FBXW11: variants seen among roughly 807,000 people sequenced by gnomAD.
FBXW11 encodes the protein F-box/WD repeat-containing protein 11.
A neutral mutation model predicts 77.6 loss-of-function variants in FBXW11; 19 were observed. The observed-to-expected ratio is 0.24, with a 90% confidence interval of 0.17 to 0.36. The LOEUF (loss-of-function observed/expected upper bound fraction) is 0.36, where lower values mean the gene tolerates loss of function less well. Ranked by LOEUF, FBXW11 falls within the 10% of genes least tolerant of loss-of-function variation. FBXW11 has a pLI of 1.00. For synonymous variants in FBXW11, 235 were observed against 249.4 expected, an observed-to-expected ratio of 0.94 and a Z score of 0.54; for missense variants, 334 against 704.2, an observed-to-expected ratio of 0.47 and a Z score of 5.95.
intron 3 of FBXW11, among the ~76,000 whole-genome samples, chr5:171,913,872 C>T (rs1761060243): frequency 6.7e-6 from 1 of 150,174 alleles, no homozygotes; most frequent in Non-Finnish European, 1.5e-5. Context: ...CACACACACA[C>T]ACAACCTGGG....
chr5:171,948,549 G>A (rs1451808579), intron 2 of FBXW11, among the ~76,000 whole-genome samples: 1 of 151,926 alleles, frequency 6.6e-6, no homozygotes. Flanking sequence ...ACCAGTCTGG[G>A]CAACATAGGA....
chr5:171,947,837 G>A (rs996145979), intron 2 of FBXW11, among the ~76,000 whole-genome samples: 2 of 151,764 alleles, frequency 1.3e-5, no homozygotes, highest in East Asian at 1.9e-4. Context: ...GGACTACTTG[G>A]GCCTGGGAGG....
At chr5:171,985,534 G>A (rs1198065198) in intron 1 of FBXW11, among the ~76,000 whole-genome samples, 1 of 152,048 alleles carries the variant, frequency 6.6e-6, no homozygotes, top group Non-Finnish European at 1.5e-5. Context: ...TGAGAGATAA[G>A]GATCATTTGA....
In FBXW11 at chr5:171,882,053, G is replaced by A. The variant is rs140797046; in HGVS notation, c.853-3924C>T. 2.6e-5 allele frequency among the ~76,000 whole-genome samples: 4 copies of A among 152,056 alleles called. No individual in the cohort carries two copies. In the East Asian group the frequency reaches 7.7e-4, roughly 29 times the overall value. ...CCTTACCTATTTCTATGGATTTCCT[G>A]TTATCAATTTCATTGATCTCTGCCC... On this transcript the variant is annotated intron_variant, in intron 7 of 13. Transcript: ENST00000517395.
chr5:171,924,296 C>T (rs1761767030), intron 2 of FBXW11, among the ~76,000 whole-genome samples: 1 of 152,054 alleles, frequency 6.6e-6, no homozygotes, highest in African/African-American at 2.4e-5. Context: ...AGCCCACGAC[C>T]CAGAGTGAGA....
intron 1 of FBXW11, among the ~76,000 whole-genome samples, chr5:171,985,984 A>G (rs1765417060): frequency 6.6e-6 from 1 of 152,138 alleles, no homozygotes; most frequent in Admixed American, 6.5e-5. Flanking sequence ...GACCAATTAG[A>G]TAAAGTGAAA....
chr5:171,987,675 A>C (rs1331276032), intron 1 of FBXW11, among the ~76,000 whole-genome samples: 2 of 151,664 alleles, frequency 1.3e-5, no homozygotes, highest in African/African-American at 4.9e-5. Flanking sequence ...CTGGTCTCAA[A>C]CTCCTGACCT....
intron 1 of FBXW11, among the ~76,000 whole-genome samples, chr5:171,993,121 A>G (rs1765840671): frequency 6.6e-6 from 1 of 151,752 alleles, no homozygotes; most frequent in African/African-American, 2.4e-5. Flanking sequence ...TACCACAGGG[A>G]AAAACCACCA....
At position 171,985,475 on chromosome 5, in the gene FBXW11, T is replaced by C. The variant is rs1424901392; in HGVS notation, c.45+20983A>G. Among the ~76,000 whole-genome samples, 3 of 151,832 alleles carry C rather than the reference T, an allele frequency of 2.0e-5. No individual in the cohort carries two copies. In the East Asian group the frequency reaches 5.8e-4, roughly 29 times the overall value. On this transcript the variant is annotated intron_variant, in intron 1 of 13. Coordinates refer to ENST00000517395, the MANE Select transcript of FBXW11 (RefSeq NM_001378974.1). ...CAGTATCTAAAAAAAATTATAAAAA[T>C]AGACCAGATGCAGTGGCTCACACCT...
chr5:171,893,800 G>A (rs2541043), intron 6 of FBXW11, among the ~76,000 whole-genome samples: 127,495 of 152,102 alleles, frequency 0.84, 55,478 homozygotes, highest in East Asian at 1. Flanking sequence ...TACATAATAT[G>A]TCTTTACATA....
intron 1 of FBXW11, among the ~76,000 whole-genome samples, chr5:171,983,067 C>T (rs1366444449): frequency 6.6e-6 from 1 of 152,078 alleles, no homozygotes; most frequent in African/African-American, 2.4e-5. Flanking sequence ...CGAGTGCACA[C>T]CTGTGATCCA....
chr5:171,924,095 T>G (rs1408001093), intron 2 of FBXW11, among the ~76,000 whole-genome samples: 2 of 151,846 alleles, frequency 1.3e-5, no homozygotes, highest in Non-Finnish European at 2.9e-5. Flanking sequence ...CAACTATTTT[T>G]GTATTTTTAG....
intron 2 of FBXW11, among the ~76,000 whole-genome samples, chr5:171,930,740 TAAAAAATAAAAAATA>T (rs1302330569): frequency 4.3e-5 from 2 of 47,012 alleles, no homozygotes; most frequent in African/African-American, 1.7e-4. Context: ...AAATAAAAAA[TAAAAAATAAAAAATA>T]AAAAAATAAA....
intron 13 of FBXW11, 97 bp from the exon 14 acceptor site, chr5:171,864,198 T>G (rs1235120662): frequency 6.6e-6 from 1 of 152,200 alleles, no homozygotes; most frequent in Non-Finnish European, 1.5e-5. Context: ...CACAGCTACA[T>G]GCAAAACTTA....
At chr5:171,956,475 A>C (rs1763619924) in intron 2 of FBXW11, among the ~76,000 whole-genome samples, 1 of 152,222 alleles carries the variant, frequency 6.6e-6, no homozygotes, top group Non-Finnish European at 1.5e-5. Flanking sequence ...GTTCCAGTAC[A>C]GTTCCCCAAA....
chr5:171,880,977 G>A lies in FBXW11; in HGVS notation c.853-2848C>T, dbSNP rs572877919. Among the ~76,000 whole-genome samples, 21 of 152,330 alleles carry A rather than the reference G, an allele frequency of 1.4e-4. No homozygotes were observed. In the East Asian group the frequency reaches 1.5e-3, roughly 11 times the overall value. ...TCCCTAAAGTGCTGGGATTATAGGC[G>A]TGAGCCACCGCGCCCAGCCATGTTA... On this transcript the variant is annotated intron_variant, in intron 7 of 13. Coordinates refer to ENST00000517395, the MANE Select transcript of FBXW11 (RefSeq NM_001378974.1).
chr5:171,884,003 C>G (rs1322810428), intron 7 of FBXW11, among the ~76,000 whole-genome samples: 1 of 152,196 alleles, frequency 6.6e-6, no homozygotes, highest in East Asian at 1.9e-4. Context: ...GTTTACTCTG[C>G]TAACTGTTCC....
intron 2 of FBXW11, among the ~76,000 whole-genome samples, chr5:171,930,762 T>TAAAAAAAAAAAAAAAAAAA (rs59700625): frequency 7.9e-6 from 1 of 126,536 alleles, no homozygotes; most frequent in Non-Finnish European, 1.7e-5. Context: ...AATAAAAAAA[T>TAAAAAAAAAAAAAAAAAAA]AAAAAAAAAA....
At chr5:172,004,950 C>T (rs1288942104) in intron 1 of FBXW11, among the ~76,000 whole-genome samples, 2 of 151,884 alleles carry the variant, frequency 1.3e-5, no homozygotes, top group African/African-American at 4.8e-5. Flanking sequence ...TTCAAGAATG[C>T]TAGAGAAGTC....
Sources: allele counts gnomAD v4.1 joint callset (sites outside exome capture counted in the v4.1 genomes callset), GRCh38; gene constraint gnomAD v4.1.1; transcripts MANE v1.5; gene names NCBI Gene and HGNC (gene_info 2026-07-23, HGNC 2026-07-21).